The following KCNIP4 variants were observed in gnomAD, a reference collection of about 807,000 sequenced individuals.
The protein encoded by KCNIP4 is Kv channel-interacting protein 4.
KCNIP4 carries 12 observed loss-of-function variants against 34.0 expected under a neutral mutation model. The observed-to-expected ratio is 0.35, with a 90% CI of 0.23 to 0.57. The LOEUF is 0.57. Among genes scored for constraint, KCNIP4 ranks in the 20% least tolerant of loss-of-function variants. KCNIP4 has a pLI of 0.83. For missense variants in KCNIP4, 238 were observed against 311.7 expected (o/e 0.76, Z 1.78); for synonymous variants, 124 against 102.2 (o/e 1.21, Z -1.29).
intron 1 of KCNIP4, among the ~76,000 whole-genome samples, chr4:21,475,001 GAAAAACAAAAA>G (rs1560441726): frequency 1.1e-5 from 1 of 92,438 alleles, no homozygotes; most frequent in Non-Finnish European, 2.1e-5. Context: ...ACTCCATCTC[GAAAAACAAAAA>G]AAAAAGACGT....
intron 3 of KCNIP4, among the ~76,000 whole-genome samples, chr4:20,824,330 C>G (rs1214057130): frequency 6.6e-6 from 1 of 152,028 alleles, no homozygotes; most frequent in Non-Finnish European, 1.5e-5. Flanking sequence ...ATATTCAGGA[C>G]AAGTAGGCAC....
chr4:21,748,770 C>T (rs971685097), intron 1 of KCNIP4, among the ~76,000 whole-genome samples: 3 of 151,742 alleles, frequency 2.0e-5, no homozygotes, highest in African/African-American at 4.8e-5. Context: ...ATAGATAGCC[C>T]GGATCATGGT....
chr4:21,577,134 A>G (rs1488621259), intron 1 of KCNIP4, among the ~76,000 whole-genome samples: 1 of 152,180 alleles, frequency 6.6e-6, no homozygotes, highest in Non-Finnish European at 1.5e-5. Flanking sequence ...TATTTAGCTA[A>G]GAGAAATTTA....
At chr4:21,077,505 A>C (rs2109013238) in intron 1 of KCNIP4, among the ~76,000 whole-genome samples, 1 of 152,176 alleles carries the variant, frequency 6.6e-6, no homozygotes. Flanking sequence ...GCTAGTATTT[A>C]GATAAGCACC....
chr4:20,824,250 T>A (rs752094694), intron 3 of KCNIP4, among the ~76,000 whole-genome samples: 23 of 152,216 alleles, frequency 1.5e-4, no homozygotes, highest in Non-Finnish European at 2.8e-4. Context: ...TACTTTTTGC[T>A]CATCACAATG....
intron 1 of KCNIP4, among the ~76,000 whole-genome samples, chr4:20,976,838 TTC>T (rs1325651171): frequency 1.3e-5 from 2 of 152,078 alleles, no homozygotes; most frequent in Non-Finnish European, 2.9e-5. Flanking sequence ...GATGAACTTT[TTC>T]TCTTTTTTTT....
chr4:21,710,153 T>C (rs981826286), intron 1 of KCNIP4, among the ~76,000 whole-genome samples: 1 of 152,216 alleles, frequency 6.6e-6, no homozygotes, highest in African/African-American at 2.4e-5. Context: ...AATACCTCTT[T>C]AGCACTTCAT....
chr4:21,502,240 T>G (rs79467994), intron 1 of KCNIP4, among the ~76,000 whole-genome samples: 1,854 of 152,200 alleles, frequency 0.012, 38 homozygotes, highest in South Asian at 0.045. Context: ...TGTCAAGGTC[T>G]GATACATGCT....
chr4:21,912,498 A>G (rs1728390935), intron 1 of KCNIP4, among the ~76,000 whole-genome samples: 1 of 152,214 alleles, frequency 6.6e-6, no homozygotes, highest in Admixed American at 6.5e-5. Flanking sequence ...GCACAATTTT[A>G]AAAGTCAAAT....
In KCNIP4 at chr4:21,427,432, A is replaced by G. The variant is rs148253835; in HGVS notation, c.61+521139T>C. Reference sequence around the variant, plus strand: ...ACTAATTAAAAAAGGGACCATACCAATGGTTGGGAAAGGCTAATGAAACCA... The same window carrying G: ...ACTAATTAAAAAAGGGACCATACCAGTGGTTGGGAAAGGCTAATGAAACCA... On this transcript the variant is annotated intron_variant, in intron 1 of 8. Coordinates refer to ENST00000382152, the MANE Select transcript of KCNIP4 (RefSeq NM_025221.6). 9.4e-4 allele frequency among the ~76,000 whole-genome samples: 143 copies of G among 152,086 alleles called. 1 individual carries two copies. Among genetic ancestry groups the G allele is most frequent in the Non-Finnish European group, 1.5e-3 (101 of 67,978 alleles).
chr4:21,592,229 T>C (rs1196103600), intron 1 of KCNIP4, among the ~76,000 whole-genome samples: 2 of 152,238 alleles, frequency 1.3e-5, no homozygotes, highest in Admixed American at 6.5e-5. Context: ...ATCCTCAGAA[T>C]GTGGCTATTG....
rs1275661206 is a variant in KCNIP4 at position 21,938,481 on chromosome 4, A to G, written c.61+10090T>C. 2.0e-5 allele frequency among the ~76,000 whole-genome samples: 3 copies of G among 152,176 alleles called. No homozygotes were observed. The South Asian group carries it at 6.2e-4, about 31-fold the overall frequency. On this transcript the variant is annotated intron_variant, in intron 1 of 8. Transcript: ENST00000382152. ...AAGGAGTAGTAATATTATTTAATCT[A>G]CAGAATAATGCTCTTTTCTACGTAA...
chr4:21,152,688 G>C (rs1298613531), intron 1 of KCNIP4, among the ~76,000 whole-genome samples: 1 of 143,996 alleles, frequency 6.9e-6, no homozygotes, highest in African/African-American at 2.5e-5. Context: ...GTCCTGGTCC[G>C]TGGCCTGTTA....
chr4:21,318,560 G>C (rs1022627852), intron 1 of KCNIP4, among the ~76,000 whole-genome samples: 6 of 152,052 alleles, frequency 3.9e-5, no homozygotes, highest in African/African-American at 1.4e-4. Flanking sequence ...TATTTTTTGA[G>C]AGTTATGCAT....
chr4:21,568,569 A>G (rs1024380083), intron 1 of KCNIP4, among the ~76,000 whole-genome samples: 4 of 152,136 alleles, frequency 2.6e-5, no homozygotes, highest in Admixed American at 6.5e-5. Context: ...GCATGGAAAG[A>G]GCAGACTTGC....
chr4:20,997,795 G>C (rs888862949), intron 1 of KCNIP4, among the ~76,000 whole-genome samples: 2 of 152,194 alleles, frequency 1.3e-5, no homozygotes, highest in Non-Finnish European at 2.9e-5. Flanking sequence ...TTATTGCCAA[G>C]TACAAAAGAG....
At chr4:21,504,475 A>AAAAGAAAGAAAGAAAG (rs71191514) in intron 1 of KCNIP4, among the ~76,000 whole-genome samples, 5 of 101,852 alleles carry the variant, frequency 4.9e-5, no homozygotes, top group Admixed American at 4.2e-4. Flanking sequence ...CAAAAAAAAA[A>AAAAGAAAGAAAGAAAG]AAAGAAAGAA....
rs188688212 is a variant in KCNIP4, at chr4:21,121,718, A to G, written c.62-239009T>C. ...AGATATTGCATACAAAACAACAAGC[A>G]TATTGCCCAAAACATAACCTTTTGC... On this transcript the variant is annotated intron_variant, in intron 1 of 8. Transcript: ENST00000382152. Among the ~76,000 whole-genome samples the G allele has an allele frequency of 5.3e-5, 8 of 152,356 alleles. No homozygotes were observed. In the East Asian group the frequency reaches 1.5e-3, roughly 29 times the overall value.
chr4:20,915,867 C>T (rs1302200584), intron 1 of KCNIP4, among the ~76,000 whole-genome samples: 1 of 152,088 alleles, frequency 6.6e-6, no homozygotes, highest in Non-Finnish European at 1.5e-5. Flanking sequence ...TGCAAGCAAT[C>T]AATGAGATTA....
Sources: gnomAD v4.1 joint callset for allele counts (sites outside exome capture counted in the v4.1 genomes callset) on GRCh38, gnomAD v4.1.1 for gene constraint, MANE v1.5 for transcripts, NCBI Gene and HGNC (gene_info 2026-07-23, HGNC 2026-07-21) for gene names.